Variants in POU6F2 observed in about 807,000 individuals in gnomAD.
POU6F2 encodes POU class 6 homeobox 2, also known as POU domain, class 6, transcription factor 2.
A neutral mutation model predicts 71.3 loss-of-function variants in POU6F2; 31 were observed. The ratio of observed to expected loss-of-function variants is 0.43; its 90% CI spans 0.33 to 0.59. The LOEUF is 0.59. Ranked by LOEUF, POU6F2 falls within the 20% of genes least tolerant of loss-of-function variation. POU6F2 has a pLI of 0.04. For synonymous variants in POU6F2, 347 were observed against 355.7 expected (o/e 0.98, Z 0.27); for missense variants, 783 against 856.8 (o/e 0.91, Z 1.07).
At chr7:39,374,163 G>A (rs913628925) in intron 5 of POU6F2, among the ~76,000 whole-genome samples, 5 of 152,168 alleles carry the variant, frequency 3.3e-5, no homozygotes, top group Admixed American at 6.5e-5. Flanking sequence ...AAATAATACA[G>A]CTGTCATCAA....
At chr7:39,229,455 A>G (rs552037554) in intron 4 of POU6F2, among the ~76,000 whole-genome samples, 2 of 152,318 alleles carry the variant, frequency 1.3e-5, no homozygotes, top group East Asian at 3.9e-4. Context: ...AAAAGTCCCA[A>G]TGCACTTGCT....
At chr7:39,004,801 C>T (rs1789011846) in intron 1 of POU6F2, among the ~76,000 whole-genome samples, 1 of 152,146 alleles carries the variant, frequency 6.6e-6, no homozygotes, top group South Asian at 2.1e-4. Flanking sequence ...ACCTGCTGTG[C>T]TCCGGGCCCT....
intron 1 of POU6F2, among the ~76,000 whole-genome samples, chr7:39,063,218 T>C (rs1295162429): frequency 6.6e-6 from 1 of 151,978 alleles, no homozygotes; most frequent in African/African-American, 2.4e-5. Context: ...TAAATGTGTA[T>C]TTAAGAACTT....
intron 4 of POU6F2, among the ~76,000 whole-genome samples, chr7:39,268,180 G>A (rs1191528179): frequency 1.3e-5 from 2 of 152,144 alleles, no homozygotes; most frequent in East Asian, 1.9e-4. Context: ...ACACAGTCAC[G>A]TGCCCAGATT....
chr7:39,098,028 G>A (rs78020106), intron 2 of POU6F2, among the ~76,000 whole-genome samples: 2,115 of 152,194 alleles, frequency 0.014, 41 homozygotes, highest in African/African-American at 0.048. Context: ...CAATGTTTTC[G>A]TCACAGGGTT....
At chr7:39,069,791 G>T (rs1397051618) in intron 1 of POU6F2, among the ~76,000 whole-genome samples, 2 of 152,126 alleles carry the variant, frequency 1.3e-5, no homozygotes, top group Non-Finnish European at 2.9e-5. Flanking sequence ...TATCATAAAC[G>T]TATTCATCTT....
intron 4 of POU6F2, among the ~76,000 whole-genome samples, chr7:39,307,308 A>C (rs1785065626): frequency 6.6e-6 from 1 of 152,242 alleles, no homozygotes; most frequent in Non-Finnish European, 1.5e-5. Context: ...CCAAATTAAG[A>C]ATACAAAATT....
intron 5 of POU6F2, among the ~76,000 whole-genome samples, chr7:39,402,450 A>C (rs1180534158): frequency 6.6e-6 from 1 of 152,220 alleles, no homozygotes; most frequent in Non-Finnish European, 1.5e-5. Flanking sequence ...CTCACTATCA[A>C]ATCAGCAACT....
chr7:39,419,467 T>G (rs143149349), intron 6 of POU6F2, among the ~76,000 whole-genome samples: 16 of 152,222 alleles, frequency 1.1e-4, no homozygotes, highest in Non-Finnish European at 1.2e-4. Context: ...CCCAAACTCC[T>G]GACCTCAAGT....
At chr7:39,383,806 T>C (rs1216404384) in intron 5 of POU6F2, among the ~76,000 whole-genome samples, 1 of 152,196 alleles carries the variant, frequency 6.6e-6, no homozygotes, top group African/African-American at 2.4e-5. Flanking sequence ...AAAGTACATC[T>C]TTTCCAAAGT....
intron 2 of POU6F2, among the ~76,000 whole-genome samples, chr7:39,141,336 G>C (rs1199532633): frequency 6.6e-6 from 1 of 152,182 alleles, no homozygotes; most frequent in Admixed American, 6.5e-5. Flanking sequence ...GTTGGAGGGA[G>C]TTTGGGGGAA....
intron 4 of POU6F2, among the ~76,000 whole-genome samples, chr7:39,237,707 A>G (rs962465024): frequency 1.3e-5 from 2 of 152,154 alleles, no homozygotes; most frequent in Admixed American, 1.3e-4. Context: ...ACTCACTTCT[A>G]TACCTGTAAA....
At chr7:39,060,809 C>T (rs555043195) in intron 1 of POU6F2, among the ~76,000 whole-genome samples, 1 of 152,178 alleles carries the variant, frequency 6.6e-6, no homozygotes, top group South Asian at 2.1e-4. Flanking sequence ...TATGGTGCCG[C>T]ATGCCTGTAG....
intron 7 of POU6F2, among the ~76,000 whole-genome samples, chr7:39,439,767 GT>G (rs1213556274): frequency 9.2e-5 from 14 of 152,166 alleles, no homozygotes; most frequent in African/African-American, 1.2e-4. Flanking sequence ...GGGATTACAG[GT>G]GTGAGCCACC....
At chr7:39,319,430 T>TC (rs397801741) in intron 4 of POU6F2, among the ~76,000 whole-genome samples, 2 of 151,968 alleles carry the variant, frequency 1.3e-5, no homozygotes, top group Non-Finnish European at 2.9e-5. Context: ...TTGTGGTTTT[T>TC]GGAAACCTCC....
intron 7 of POU6F2, among the ~76,000 whole-genome samples, chr7:39,448,322 C>T (rs1207469795): frequency 6.6e-6 from 1 of 152,154 alleles, no homozygotes; most frequent in Non-Finnish European, 1.5e-5. Context: ...TGGAATGAAA[C>T]CTATGGGCTC....
At chr7:39,450,292 C>T (rs1446850139) in intron 7 of POU6F2, among the ~76,000 whole-genome samples, 2 of 152,180 alleles carry the variant, frequency 1.3e-5, no homozygotes, top group Non-Finnish European at 2.9e-5. Context: ...ATTCTACTCA[C>T]AGGCTGATTC....
intron 5 of POU6F2, among the ~76,000 whole-genome samples, chr7:39,381,394 C>T (rs1786826209): frequency 6.6e-6 from 1 of 152,068 alleles, no homozygotes; most frequent in Non-Finnish European, 1.5e-5. Context: ...CGCGCCACCA[C>T]ACCCAGCTAA....
At chr7:39,011,752 G>A (rs1284959684) in intron 1 of POU6F2, among the ~76,000 whole-genome samples, 107 of 149,328 alleles carry the variant, frequency 7.2e-4, no homozygotes, top group Non-Finnish European at 1.5e-5. Flanking sequence ...TTGCTTGTCT[G>A]TAAAGTATTT....
Sources: allele counts gnomAD v4.1 joint callset (sites outside exome capture counted in the v4.1 genomes callset), GRCh38; gene constraint gnomAD v4.1.1; transcripts MANE v1.5; gene names NCBI Gene and HGNC (gene_info 2026-07-23, HGNC 2026-07-21).